CYRIB: variants seen among roughly 807,000 people sequenced by gnomAD.
The protein encoded by CYRIB is CYFIP-related Rac1 interactor B.
In CYRIB, 8 loss-of-function variants were observed where a neutral mutation model predicts 44.2. The ratio of observed to expected loss-of-function variants is 0.18; its 90% CI spans 0.11 to 0.33. The LOEUF is 0.33. Among genes scored for constraint, CYRIB ranks in the 10% least tolerant of loss-of-function variants. CYRIB has a pLI of 1.00. For missense variants in CYRIB, 185 were observed against 382.8 expected (o/e 0.48, Z 4.31); for synonymous variants, 131 against 127.2 (o/e 1.03, Z -0.20).
intron 1 of CYRIB, among the ~76,000 whole-genome samples, chr8:130,013,258 C>T (rs1328545925): frequency 6.6e-6 from 1 of 152,224 alleles, no homozygotes; most frequent in Non-Finnish European, 1.5e-5. Context: ...CCCCGTGACA[C>T]ATGCGCCCAT....
At chr8:129,889,190 ATC>A (rs1387935824) in intron 2 of CYRIB, among the ~76,000 whole-genome samples, 1 of 152,212 alleles carries the variant, frequency 6.6e-6, no homozygotes, top group Non-Finnish European at 1.5e-5. Context: ...ATGACAGCAT[ATC>A]TGTTTACAGC....
chr8:129,988,777 G>C (rs1049864005), intron 1 of CYRIB, among the ~76,000 whole-genome samples: 2 of 151,942 alleles, frequency 1.3e-5, no homozygotes, highest in Middle Eastern at 3.2e-3. Flanking sequence ...TGGCGGGTGG[G>C]GTTTTTTTTT....
chr8:129,991,943 C>CAAAAAAAAAAAA (rs35897320), intron 1 of CYRIB, among the ~76,000 whole-genome samples: 5 of 19,198 alleles, frequency 2.6e-4, no homozygotes, highest in Non-Finnish European at 3.9e-4. Flanking sequence ...AGCAGAGTCG[C>CAAAAAAAAAAAA]AAAAAAAAAA....
chr8:129,890,892 A>T (rs1226118576), intron 2 of CYRIB, among the ~76,000 whole-genome samples: 1 of 152,096 alleles, frequency 6.6e-6, no homozygotes, highest in African/African-American at 2.4e-5. Context: ...GAATGTCCCA[A>T]AAAAGATAAA....
At chr8:129,969,948 A>G (rs2095625243) in intron 2 of CYRIB, among the ~76,000 whole-genome samples, 1 of 152,182 alleles carries the variant, frequency 6.6e-6, no homozygotes, top group Non-Finnish European at 1.5e-5. Context: ...TTTGTTGAGC[A>G]AGTATATTTG....
chr8:129,857,019 GTGTC>G (rs2046532583), intron 5 of CYRIB, among the ~76,000 whole-genome samples: 1 of 152,216 alleles, frequency 6.6e-6, no homozygotes, highest in East Asian at 1.9e-4. Flanking sequence ...TACTTCCTGT[GTGTC>G]TGTCAGATAC....
In CYRIB at chr8:129,846,939, A is replaced by C. The variant is rs115025292; in HGVS notation, c.841-65T>G. The C allele has an allele frequency of 0.029, 26,486 of 900,504 alleles. 629 individuals are homozygous for C. Among genetic ancestry groups the C allele is most frequent in the African/African-American group, 0.099 (5,838 of 58,910 alleles). 55.8% of individuals were successfully genotyped at this position (900,504 alleles called of 1,614,324 possible). ...TTTTCATGTAACATTCCTTTTCAAAATAGTAAAATAAATCAAGACCATAAC... is the reference window on the plus strand; with the variant it reads ...TTTTCATGTAACATTCCTTTTCAAACTAGTAAAATAAATCAAGACCATAAC... On this transcript the variant is annotated intron_variant, in intron 10 of 11. Coordinates refer to ENST00000519824, the Ensembl canonical transcript of CYRIB.
intron 3 of CYRIB, among the ~76,000 whole-genome samples, chr8:129,876,778 A>G (rs2059265626): frequency 6.6e-6 from 1 of 152,142 alleles, no homozygotes; most frequent in African/African-American, 2.4e-5. Context: ...CCAACTGCAG[A>G]GACATATTGG....
intron 1 of CYRIB, among the ~76,000 whole-genome samples, chr8:129,979,196 C>T (rs2096095843): frequency 6.6e-6 from 1 of 151,928 alleles, no homozygotes; most frequent in South Asian, 2.1e-4. Flanking sequence ...CAATGTTTTA[C>T]AACCCTAATA....
At chr8:129,988,898 T>C (rs1437432374) in intron 1 of CYRIB, among the ~76,000 whole-genome samples, 1 of 152,138 alleles carries the variant, frequency 6.6e-6, no homozygotes, top group Non-Finnish European at 1.5e-5. Flanking sequence ...TGAGAGCGCT[T>C]ATCATTGCAA....
intron 2 of CYRIB, among the ~76,000 whole-genome samples, chr8:129,883,387 T>TA (rs2061529086): frequency 6.6e-6 from 1 of 152,070 alleles, no homozygotes; most frequent in African/African-American, 2.4e-5. Context: ...CTACAACTGT[T>TA]GTCCAGCGCA....
chr8:129,891,973 G>T (rs896280019), intron 2 of CYRIB, among the ~76,000 whole-genome samples: 1 of 152,164 alleles, frequency 6.6e-6, no homozygotes. Context: ...TATTAGATCA[G>T]ATTGTCATGG....
intron 1 of CYRIB, among the ~76,000 whole-genome samples, chr8:129,921,329 T>G (rs2083441348): frequency 6.6e-6 from 1 of 152,226 alleles, no homozygotes; most frequent in Non-Finnish European, 1.5e-5. Context: ...CCCTAACTTC[T>G]TGATAATAAC....
intron 1 of CYRIB, among the ~76,000 whole-genome samples, chr8:129,991,708 G>C (rs1274958052): frequency 6.6e-6 from 1 of 152,018 alleles, no homozygotes; most frequent in East Asian, 1.9e-4. Flanking sequence ...CCAGCACTTT[G>C]GGAGGCCGAG....
At chr8:129,999,127 G>A (rs555604307) in intron 1 of CYRIB, among the ~76,000 whole-genome samples, 1 of 151,686 alleles carries the variant, frequency 6.6e-6, no homozygotes, top group South Asian at 2.1e-4. Flanking sequence ...TGAGAATAAC[G>A]TGGGGGGGGT....
At chr8:129,848,188 G>C (rs913542981) in intron 10 of CYRIB, among the ~76,000 whole-genome samples, 6 of 152,162 alleles carry the variant, frequency 3.9e-5, no homozygotes, top group African/African-American at 1.4e-4. Context: ...AGTATTTTCA[G>C]AGTCACAAGG....
intron 1 of CYRIB, among the ~76,000 whole-genome samples, chr8:129,977,736 G>A (rs1364909550): frequency 2.0e-5 from 3 of 152,058 alleles, no homozygotes; most frequent in Admixed American, 1.3e-4. Context: ...GTTTCACCGT[G>A]TTAGCCAGGA....
At chr8:129,953,811 C>T (rs2094631589) in intron 2 of CYRIB, among the ~76,000 whole-genome samples, 1 of 152,126 alleles carries the variant, frequency 6.6e-6, no homozygotes. Flanking sequence ...AGATTGAACC[C>T]TCGCCCAAAA....
intron 1 of CYRIB, among the ~76,000 whole-genome samples, chr8:129,990,478 A>G (rs1475386339): frequency 6.8e-6 from 1 of 148,008 alleles, no homozygotes; most frequent in Non-Finnish European, 1.5e-5. Context: ...GTGTGTGTGC[A>G]TGCATGTGTG....
Sources: allele counts gnomAD v4.1 joint callset (sites outside exome capture counted in the v4.1 genomes callset), GRCh38; gene constraint gnomAD v4.1.1; transcripts MANE v1.5; gene names NCBI Gene and HGNC (gene_info 2026-07-23, HGNC 2026-07-21).